Variants in USH2A observed in about 807,000 individuals in gnomAD.
USH2A encodes the protein Usher syndrome 2A (autosomal recessive, mild).
USH2A carries 443 observed loss-of-function variants against 538.9 expected under a neutral mutation model. That is an observed-to-expected ratio of 0.82 (90% CI 0.76 to 0.89). The LOEUF is 0.89. USH2A is among the 40% of genes least tolerant of loss of function. The pLI is 0.00. For missense variants in USH2A, 6,633 were observed against 6,324.8 expected, an observed-to-expected ratio of 1.05 and a Z score of -1.65; for synonymous variants, 2,413 against 2,273.5, an observed-to-expected ratio of 1.06 and a Z score of -1.75.
chr1:215,898,955 T>C lies in USH2A; in HGVS notation c.7594+1120A>G, dbSNP rs75346400. 3.3e-3 allele frequency among the ~76,000 whole-genome samples: 499 copies of C among 152,288 alleles called. 16 individuals are homozygous for C. The East Asian group carries it at 0.062, about 19-fold the overall frequency. On this transcript the variant is annotated intron_variant, in intron 40 of 71. Transcript: ENST00000307340. Reference sequence around the variant, plus strand: ...AAACACTGAGTGTCCCCTTGCAAAGTAGCTAACTTTCTCCCAGGGAGTAAT... The same window carrying C: ...AAACACTGAGTGTCCCCTTGCAAAGCAGCTAACTTTCTCCCAGGGAGTAAT...
chr1:215,742,554 C>T (rs974438542), intron 59 of USH2A, among the ~76,000 whole-genome samples: 6 of 152,032 alleles, frequency 3.9e-5, no homozygotes, highest in African/African-American at 1.5e-4. Flanking sequence ...GTATAGCTCT[C>T]TTGATTCCCT....
intron 55 of USH2A, 80 bp downstream of exon 55, chr1:215,779,763 C>G (rs1228168550): frequency 1.3e-6 from 2 of 1,546,578 alleles, no homozygotes; most frequent in Non-Finnish European, 1.8e-6. Context: ...ATATCAAACA[C>G]ACACCCCTGG....
chr1:216,048,554 T>C lies in USH2A; in HGVS notation c.6143A>G (p.Asn2048Ser). 6.2e-7 allele frequency: 1 copy of C among 1,614,094 alleles called. No homozygotes were observed. Among genetic ancestry groups the C allele is most frequent in the Non-Finnish European group, 8.5e-7 (1 of 1,179,952 alleles). The change falls in exon 31 of 72, where the codon AAC (asparagine) becomes AGC (serine). Residue 2048 changes from asparagine to serine, a missense_variant. Physicochemically the swap from Asn to Ser is conservative, Grantham distance 46 (BLOSUM62 1). Coordinates refer to ENST00000307340, the MANE Select transcript of USH2A (RefSeq NM_206933.4). Reference protein sequence around the residue: ...AGCTESSHALNISTPQEAPQE... With the variant: ...AGCTESSHALSISTPQEAPQE... The stretch of plus-strand genomic sequence containing the variant: ...TTTACCTTCTTGTGGAGTAGAGATG[T>C]TCAATGCATGTGAGCTCTCAGTACA...
chr1:215,729,360 T>C (rs1294075801), intron 60 of USH2A, among the ~76,000 whole-genome samples: 1 of 152,220 alleles, frequency 6.6e-6, no homozygotes, highest in Non-Finnish European at 1.5e-5. Flanking sequence ...AATTTTCTCT[T>C]CTATAATTTA....
intron 11 of USH2A, among the ~76,000 whole-genome samples, chr1:216,284,092 T>C (rs983012552): frequency 2.0e-5 from 3 of 152,152 alleles, no homozygotes; most frequent in African/African-American, 7.2e-5. Flanking sequence ...TTTCTCTCTC[T>C]ATATATATAC....
intron 10 of USH2A, 76 bp from the exon 11 acceptor site, chr1:216,289,486 T>C: frequency 3.1e-6 from 5 of 1,598,450 alleles, no homozygotes; most frequent in Non-Finnish European, 3.4e-6. Flanking sequence ...TTAAAGACTG[T>C]ATTCCTTTGA....
chr1:215,779,361 C>T (rs998168118), intron 55 of USH2A, among the ~76,000 whole-genome samples: 8 of 151,986 alleles, frequency 5.3e-5, no homozygotes, highest in Non-Finnish European at 1.0e-4. Context: ...TAAAAAAACA[C>T]AATTGCTATT....
intron 70 of USH2A, among the ~76,000 whole-genome samples, chr1:215,634,253 T>C (rs1026660861): frequency 6.6e-6 from 1 of 152,244 alleles, no homozygotes; most frequent in Non-Finnish European, 1.5e-5. Flanking sequence ...GGCAGTGATA[T>C]TTTTTAAAGC....
At chr1:215,938,943 T>C (rs934383892) in intron 37 of USH2A, among the ~76,000 whole-genome samples, 8 of 152,194 alleles carry the variant, frequency 5.3e-5, no homozygotes, top group Non-Finnish European at 1.0e-4. Flanking sequence ...CATAGGGTGC[T>C]GGGATCACTA....
chr1:215,652,725 TG>T (rs549216916), intron 64 of USH2A, among the ~76,000 whole-genome samples: 2 of 152,094 alleles, frequency 1.3e-5, no homozygotes, highest in South Asian at 4.2e-4. Context: ...TGGGAAGTGG[TG>T]GGGGGGACAC....
intron 38 of USH2A, among the ~76,000 whole-genome samples, chr1:215,928,361 G>C (rs1283975789): frequency 6.6e-6 from 1 of 151,482 alleles, no homozygotes; most frequent in Admixed American, 6.6e-5. Flanking sequence ...TCTTCTTCAA[G>C]GAAAAATTTA....
chr1:216,355,371 GAAA>G (rs2038372517), intron 4 of USH2A, among the ~76,000 whole-genome samples: 1 of 130,752 alleles, frequency 7.6e-6, no homozygotes. Flanking sequence ...AAGAAAGAAA[GAAA>G]GAAGGAAAGA....
At chr1:215,722,142 A>G (rs1558069457) in intron 61 of USH2A, among the ~76,000 whole-genome samples, 1 of 151,694 alleles carries the variant, frequency 6.6e-6, no homozygotes, top group Non-Finnish European at 1.5e-5. Flanking sequence ...CATGTTTTCT[A>G]TCTTTTATAT....
At chr1:216,309,824 C>T (rs115193285) in intron 9 of USH2A, among the ~76,000 whole-genome samples, 2 of 152,164 alleles carry the variant, frequency 1.3e-5, no homozygotes, top group Non-Finnish European at 2.9e-5. Flanking sequence ...TCCCCTTTAG[C>T]CTGTTGATGT....
chr1:216,050,545 A>G lies in USH2A; in HGVS notation c.6050-1898T>C, dbSNP rs888964007. Among the ~76,000 whole-genome samples the G allele has an allele frequency of 9.9e-5, 11 of 111,198 alleles. 1 individual carries two copies. The highest frequency in any genetic ancestry group is 3.6e-4 in the African/African-American group (11 of 30,770). The allele number at this position is 111,198 out of a possible 152,430, so 73.0% of individuals were successfully genotyped here. ...TCAGTTTCTGCCTCTACATGCTACT[A>G]GACAATTTGTATCTTTTTCTTTCTT... is the stretch of plus-strand genomic sequence containing the variant. On this transcript the variant is annotated intron_variant, in intron 30 of 71. Transcript: ENST00000307340.
At chr1:215,809,118 A>G (rs1662585036) in intron 49 of USH2A, among the ~76,000 whole-genome samples, 1 of 152,168 alleles carries the variant, frequency 6.6e-6, no homozygotes, top group Admixed American at 6.6e-5. Flanking sequence ...CAGTAAAGTT[A>G]CTGTATTTGT....
intron 13 of USH2A, among the ~76,000 whole-genome samples, chr1:216,240,638 A>G (rs1289858428): frequency 1.3e-5 from 2 of 152,224 alleles, no homozygotes; most frequent in Non-Finnish European, 2.9e-5. Flanking sequence ...TAAAATTTCA[A>G]ATCGTTCTTT....
chr1:215,682,519 A>C (rs917464060), intron 61 of USH2A, among the ~76,000 whole-genome samples: 1 of 152,200 alleles, frequency 6.6e-6, no homozygotes, highest in African/African-American at 2.4e-5. Context: ...CATTAAAAAA[A>C]TAACAAAACT....
intron 38 of USH2A, among the ~76,000 whole-genome samples, chr1:215,929,154 T>TA (rs11422970): frequency 0.83 from 125,624 of 151,600 alleles, 52,149 homozygotes; most frequent in African/African-American, 0.85. Flanking sequence ...ATTAACAATG[T>TA]AAAAAAAAGC....
Sources: allele counts gnomAD v4.1 joint callset (sites outside exome capture counted in the v4.1 genomes callset), GRCh38; gene constraint gnomAD v4.1.1; transcripts MANE v1.5; gene names NCBI Gene and HGNC (gene_info 2026-07-23, HGNC 2026-07-21).